Variants in MDGA2 observed in about 807,000 individuals in gnomAD.
The protein encoded by MDGA2 is MAM domain containing glycosylphosphatidylinositol anchor 2, also known as MAM domain-containing glycosylphosphatidylinositol anchor protein 2.
Under a neutral mutation model 117.8 loss-of-function variants are expected in MDGA2, and 40 were observed. The ratio of observed to expected loss-of-function variants is 0.34; its 90% CI spans 0.26 to 0.44. The LOEUF is 0.44. MDGA2 is among the 20% of genes least tolerant of loss of function. The pLI, the probability that MDGA2 is intolerant of heterozygous loss-of-function variation, is 1.00. For synonymous variants in MDGA2, 452 were observed against 439.0 expected, an observed-to-expected ratio of 1.03 and a Z score of -0.37; for missense variants, 1,123 against 1,250.6, an observed-to-expected ratio of 0.90 and a Z score of 1.54.
chr14:47,383,565 G>A (rs1473348660), intron 1 of MDGA2, among the ~76,000 whole-genome samples: 1 of 152,038 alleles, frequency 6.6e-6, no homozygotes, highest in Non-Finnish European at 1.5e-5. Flanking sequence ...TCGAGACAGG[G>A]TCTCACTTTC....
Position 47,674,904 on chromosome 14 carries a change from G to A in MDGA2, c.-108C>T. The A allele has an allele frequency of 1.9e-6, 1 of 538,688 alleles. No individual in the cohort carries two copies. The highest frequency in any genetic ancestry group is 3.2e-6 in the Non-Finnish European group (1 of 310,608). The allele number at this position is 538,688 out of a possible 1,614,324, so 33.4% of individuals were successfully genotyped here. A position where few individuals can be genotyped will look rare whatever the true frequency, so the allele number is the denominator to read the frequency against. On this transcript the variant is annotated 5_prime_UTR_variant, in exon 1 of 17. Transcript: ENST00000399232. ...CCGGGTGCCTGGGAAAATCGCAGAC[G>A]CCGGGGAGGAGCAGGGGGCGGTGAT...
At chr14:47,037,132 G>A (rs1888883619) in intron 7 of MDGA2, among the ~76,000 whole-genome samples, 1 of 152,202 alleles carries the variant, frequency 6.6e-6, no homozygotes, top group Non-Finnish European at 1.5e-5. Flanking sequence ...TAAGCAGCAT[G>A]CTCAGACAAT....
At chr14:47,518,674 TG>T (rs1894805907) in intron 1 of MDGA2, among the ~76,000 whole-genome samples, 1 of 152,212 alleles carries the variant, frequency 6.6e-6, no homozygotes, top group African/African-American at 2.4e-5. Flanking sequence ...AAAAGAAAGT[TG>T]GATGACTAAC....
intron 10 of MDGA2, among the ~76,000 whole-genome samples, chr14:46,897,017 T>C (rs1883102811): frequency 6.6e-6 from 1 of 152,168 alleles, no homozygotes; most frequent in African/African-American, 2.4e-5. Flanking sequence ...TAGGGTTCTT[T>C]GTTTAAAGAG....
Position 47,437,257 on chromosome 14 carries a change from G to T in MDGA2, c.281-135707C>A, listed in dbSNP as rs374598122. Among the ~76,000 whole-genome samples the T allele has an allele frequency of 4.6e-5, 7 of 152,170 alleles. No individual in the cohort carries two copies. In the South Asian group the frequency reaches 1.2e-3, roughly 27 times the overall value. On this transcript the variant is annotated intron_variant, in intron 1 of 16. Coordinates refer to ENST00000399232, the MANE Select transcript of MDGA2 (RefSeq NM_001113498.3). Reference sequence around the variant, plus strand: ...AGATTTTAAAGCAAAATATTCAACTGTCTTGTGCCTCAGATATCTCAACTA... The same window carrying T: ...AGATTTTAAAGCAAAATATTCAACTTTCTTGTGCCTCAGATATCTCAACTA...
At chr14:47,181,853 T>C (rs1388572930) in intron 3 of MDGA2, among the ~76,000 whole-genome samples, 1 of 152,176 alleles carries the variant, frequency 6.6e-6, no homozygotes, top group Non-Finnish European at 1.5e-5. Flanking sequence ...GGCTATGTCC[T>C]AAACACAATT....
At chr14:47,544,103 C>T (rs1895408006) in intron 1 of MDGA2, among the ~76,000 whole-genome samples, 1 of 152,010 alleles carries the variant, frequency 6.6e-6, no homozygotes, top group Non-Finnish European at 1.5e-5. Context: ...AAGATAATGT[C>T]CACACATTTG....
chr14:47,312,075 T>C lies in MDGA2; in HGVS notation c.281-10525A>G, dbSNP rs1027848733. ...ATACAATGTGAAACATAAGCAATTA[T>C]TAGTACATATTACAATTCAGCTCCT... On this transcript the variant is annotated intron_variant, in intron 1 of 16. Coordinates refer to ENST00000399232, the MANE Select transcript of MDGA2 (RefSeq NM_001113498.3). Among the ~76,000 whole-genome samples the C allele has an allele frequency of 5.3e-5, 8 of 152,168 alleles. No homozygotes were observed. The East Asian group carries it at 1.5e-3, about 29-fold the overall frequency.
At chr14:47,300,909 A>G (rs1889257173) in intron 2 of MDGA2, among the ~76,000 whole-genome samples, 1 of 152,206 alleles carries the variant, frequency 6.6e-6, no homozygotes, top group Non-Finnish European at 1.5e-5. Context: ...GCCTGAGTGC[A>G]TACAGTATCT....
chr14:46,977,480 T>C (rs1469035986), intron 8 of MDGA2, among the ~76,000 whole-genome samples: 1 of 151,956 alleles, frequency 6.6e-6, no homozygotes. Flanking sequence ...CAATCTATTT[T>C]ATTATTGTCC....
chr14:47,563,576 C>G (rs937428547), intron 1 of MDGA2, among the ~76,000 whole-genome samples: 1,096 of 22,296 alleles, frequency 0.049, 40 homozygotes, highest in Non-Finnish European at 0.069. Flanking sequence ...CTGCTTTTTT[C>G]TGTTTTTTTT....
intron 4 of MDGA2, among the ~76,000 whole-genome samples, chr14:47,141,838 T>C (rs1882732853): frequency 6.6e-6 from 1 of 152,180 alleles, no homozygotes; most frequent in Admixed American, 6.5e-5. Context: ...TATTGTATTG[T>C]ATGTTTCAAT....
At position 47,057,595 on chromosome 14, in the gene MDGA2, C is replaced by T. The variant is rs552984263; in HGVS notation, c.1525+3654G>A. Among the ~76,000 whole-genome samples the T allele has an allele frequency of 5.9e-5, 5 of 84,854 alleles. No individual in the cohort carries two copies. In the South Asian group the frequency reaches 2.2e-3, roughly 37 times the overall value. The allele number at this position is 84,854 out of a possible 152,430, so 55.7% of individuals were successfully genotyped here. A position where few individuals can be genotyped will look rare whatever the true frequency, so the allele number is the denominator to read the frequency against. On this transcript the variant is annotated intron_variant, in intron 7 of 16. Transcript: ENST00000399232. ...AAACTCCAAAACACATGAGGCCTCT[C>T]TTTTCTTCTTTCCTTTTCTTTCCCT...
At chr14:47,141,155 T>C (rs1025705472) in intron 4 of MDGA2, among the ~76,000 whole-genome samples, 2 of 152,148 alleles carry the variant, frequency 1.3e-5, no homozygotes, top group African/African-American at 4.8e-5. Context: ...CAAATTCTGG[T>C]GTGGATGCAG....
At chr14:47,070,364 C>G (rs1333413838) in intron 6 of MDGA2, among the ~76,000 whole-genome samples, 1 of 152,098 alleles carries the variant, frequency 6.6e-6, no homozygotes, top group African/African-American at 2.4e-5. Context: ...TCTGCTCCAT[C>G]GAGTTGTAAA....
intron 1 of MDGA2, among the ~76,000 whole-genome samples, chr14:47,351,932 CACACACAA>C (rs1299624288): frequency 5.0e-5 from 7 of 140,608 alleles, no homozygotes; most frequent in East Asian, 2.0e-4. Flanking sequence ...CACACACACA[CACACACAA>C]ACATATATAT....
chr14:47,129,697 C>G (rs1392875738), intron 5 of MDGA2, among the ~76,000 whole-genome samples: 1 of 145,772 alleles, frequency 6.9e-6, no homozygotes, highest in African/African-American at 2.6e-5. Flanking sequence ...AACTAGTTTA[C>G]AGTCCCACCA....
At chr14:46,943,924 A>G (rs893230580) in intron 9 of MDGA2, among the ~76,000 whole-genome samples, 2 of 152,084 alleles carry the variant, frequency 1.3e-5, no homozygotes, top group Non-Finnish European at 2.9e-5. Flanking sequence ...GTGTGTTCCA[A>G]TTAAACTTCA....
At chr14:46,918,528 G>T (rs910912639) in intron 10 of MDGA2, among the ~76,000 whole-genome samples, 21 of 152,156 alleles carry the variant, frequency 1.4e-4, no homozygotes, top group African/African-American at 4.6e-4. Flanking sequence ...GTAGAACGAT[G>T]TTAATATAGA....
Sources: gnomAD v4.1 joint callset for allele counts (sites outside exome capture counted in the v4.1 genomes callset) on GRCh38, gnomAD v4.1.1 for gene constraint, MANE v1.5 for transcripts, NCBI Gene and HGNC (gene_info 2026-07-23, HGNC 2026-07-21) for gene names.